The following TRAF6 variants were observed in gnomAD, a reference collection of about 807,000 sequenced individuals.
TRAF6 encodes the protein TNF receptor associated factor 6, also known as TNF receptor-associated factor 6.
A neutral mutation model predicts 48.4 loss-of-function variants in TRAF6; 10 were observed. The ratio of observed to expected loss-of-function variants is 0.21; its 90% CI spans 0.13 to 0.35. The LOEUF (loss-of-function observed/expected upper bound fraction) is 0.35. Among genes scored for constraint, TRAF6 ranks in the 10% least tolerant of loss-of-function variants. TRAF6 has a pLI of 1.00. For missense variants in TRAF6, 397 were observed against 661.0 expected (o/e 0.60, Z 4.38); for synonymous variants, 186 against 219.6 (o/e 0.85, Z 1.35).
chr11:36,503,357 C>T (rs1254311211), intron 1 of TRAF6, among the ~76,000 whole-genome samples: 2 of 150,632 alleles, frequency 1.3e-5, no homozygotes, highest in Non-Finnish European at 3.0e-5. Flanking sequence ...TGCAATGGCA[C>T]GATCTCGACT....
At chr11:36,496,042 C>T (rs1437496782) in intron 4 of TRAF6, among the ~76,000 whole-genome samples, 1 of 151,888 alleles carries the variant, frequency 6.6e-6, no homozygotes, top group East Asian at 1.9e-4. Flanking sequence ...GAAAAACTGC[C>T]AACGTGAATT....
intron 1 of TRAF6, among the ~76,000 whole-genome samples, chr11:36,508,041 G>C (rs1859831429): frequency 1.3e-5 from 2 of 151,416 alleles, no homozygotes; most frequent in South Asian, 2.1e-4. Context: ...TTTTTTTGTA[G>C]AGACAGGATT....
chr11:36,490,411 T>G lies in TRAF6; in HGVS notation c.996A>C (p.Arg332=), dbSNP rs2133664430. 1 of 1,614,152 alleles carries G rather than the reference T, an allele frequency of 6.2e-7. No homozygotes were observed. The change falls in exon 7 of 7, where the codon CGA becomes CGC. Residue 332 remains arginine (R), a synonymous_variant. Transcript: ENST00000526995. This position sits in a 1 kb window ranked among gnomAD's most constrained non-coding sequence, Gnocchi z 6.4. The stretch of plus-strand genomic sequence containing the variant: ...CTTTGTCCTCAAGGGTTCGAATGGT[T>G]CGTTTGAGCTCACTTACATACATAC... The part of the protein sequence containing the change: ...TQSMYVSELK[R]TIRTLEDKVA...
intron 1 of TRAF6, 116 bp from the exon 2 acceptor site, chr11:36,501,653 TATTA>T (rs1041067559): frequency 2.7e-6 from 2 of 737,290 alleles, no homozygotes; most frequent in Middle Eastern, 4.1e-4. Context: ...ACATCAGCTG[TATTA>T]ATGTTATTTA....
At chr11:36,508,858 T>A (rs1187082241) in intron 1 of TRAF6, among the ~76,000 whole-genome samples, 1 of 152,214 alleles carries the variant, frequency 6.6e-6, no homozygotes, top group Non-Finnish European at 1.5e-5. Context: ...GGATTTGAAC[T>A]TCTCTCCAAA....
intron 1 of TRAF6, among the ~76,000 whole-genome samples, chr11:36,508,679 A>G (rs1000170608): frequency 2.6e-5 from 4 of 152,228 alleles, no homozygotes; most frequent in Non-Finnish European, 5.9e-5. Flanking sequence ...AGCTTTAGAA[A>G]CAGAAACTGT....
intron 6 of TRAF6, 89 bp downstream of exon 6, chr11:36,492,462 C>T (rs1859576331): frequency 9.3e-7 from 1 of 1,075,526 alleles, no homozygotes; most frequent in African/African-American, 1.6e-5. Context: ...TTTACAACTA[C>T]ATCTACATTC....
chr11:36,502,894 T>C (rs1389649985), intron 1 of TRAF6, among the ~76,000 whole-genome samples: 1 of 152,256 alleles, frequency 6.6e-6, no homozygotes, highest in Non-Finnish European at 1.5e-5. Context: ...AATGTGTTAA[T>C]ATGTGCAAAG....
Position 36,486,108 on chromosome 11 carries a change from T to C in TRAF6, c.*3730A>G, listed in dbSNP as rs1358068252. 6.6e-6 allele frequency among the ~76,000 whole-genome samples: 1 copy of C among 152,094 alleles called. No individual in the cohort carries two copies. Among genetic ancestry groups the C allele is most frequent in the Non-Finnish European group, 1.5e-5 (1 of 68,036 alleles). On this transcript the variant is annotated 3_prime_UTR_variant, in exon 7 of 7. Coordinates refer to ENST00000526995, the MANE Select transcript of TRAF6 (RefSeq NM_004620.4). ...GGCTGGGGGTGCAGTGGCATGATCTTGGCTCACTGCAACCTGTGCTTCCCG... is the reference window on the plus strand; with the variant it reads ...GGCTGGGGGTGCAGTGGCATGATCTCGGCTCACTGCAACCTGTGCTTCCCG...
chr11:36,499,337 C>G (rs1206080473), intron 2 of TRAF6, among the ~76,000 whole-genome samples: 4 of 151,682 alleles, frequency 2.6e-5, no homozygotes, highest in Admixed American at 2.6e-4. Context: ...TGAACATACT[C>G]AATGAGAAAT....
chr11:36,484,165 C>G lies in TRAF6; in HGVS notation c.*5673G>C, dbSNP rs116110068. Among the ~76,000 whole-genome samples, 151 of 152,298 alleles carry G rather than the reference C, an allele frequency of 9.9e-4. 1 individual carries two copies. Among genetic ancestry groups the G allele is most frequent in the Middle Eastern group, 3.4e-3 (1 of 294 alleles). The stretch of plus-strand genomic sequence containing the variant: ...CATTAGGAGCAGGGCTTGTTTTATG[C>G]GCTCCGTGCATGCTGATGGTGCAGG... On this transcript the variant is annotated 3_prime_UTR_variant, in exon 7 of 7. Transcript: ENST00000526995.
intron 4 of TRAF6, chr11:36,496,217 A>T (rs1859630629): frequency 6.6e-6 from 1 of 152,192 alleles, no homozygotes; most frequent in Non-Finnish European, 1.5e-5. Context: ...AATCTATCTC[A>T]GTTTCTGAAT....
intron 1 of TRAF6, among the ~76,000 whole-genome samples, chr11:36,505,600 A>C (rs1466790016): frequency 6.6e-6 from 1 of 152,202 alleles, no homozygotes; most frequent in East Asian, 1.9e-4. Flanking sequence ...TCACTTTCTT[A>C]TTAGTGAGTT....
intron 4 of TRAF6, among the ~76,000 whole-genome samples, chr11:36,495,889 T>C (rs1859624848): frequency 1.3e-5 from 2 of 152,094 alleles, no homozygotes; most frequent in South Asian, 4.1e-4. Context: ...TGAAACTCCA[T>C]CTCCAAAAAA....
intron 5 of TRAF6, 78 bp downstream of exon 5, chr11:36,494,898 T>A: frequency 9.3e-7 from 1 of 1,074,676 alleles, no homozygotes; most frequent in Non-Finnish European, 1.4e-6. Flanking sequence ...CCTTATTGAT[T>A]TAAATTTTCA....
In TRAF6 at chr11:36,502,016, A is replaced by G. The variant is rs193061865; in HGVS notation, c.-22-479T>C. 1.6e-4 allele frequency among the ~76,000 whole-genome samples: 25 copies of G among 152,350 alleles called. No individual in the cohort carries two copies. In the East Asian group the frequency reaches 3.7e-3, roughly 22 times the overall value. On this transcript the variant is annotated intron_variant, in intron 1 of 6. Coordinates refer to ENST00000526995, the MANE Select transcript of TRAF6 (RefSeq NM_004620.4). ...CTAAAGAACTTATCCATGTTGTTGA[A>G]GTTCCTTGAAGTATCCTGAGCTGAA... is the stretch of plus-strand genomic sequence containing the variant.
At chr11:36,506,425 T>A (rs1489177868) in intron 1 of TRAF6, among the ~76,000 whole-genome samples, 1 of 152,238 alleles carries the variant, frequency 6.6e-6, no homozygotes, top group Non-Finnish European at 1.5e-5. Context: ...GAACCATTTT[T>A]TTTTTAAGTA....
At chr11:36,509,581 G>A (rs898294301) in intron 1 of TRAF6, among the ~76,000 whole-genome samples, 8 of 152,212 alleles carry the variant, frequency 5.3e-5, no homozygotes, top group Admixed American at 4.6e-4. Flanking sequence ...GCGGACAACT[G>A]CAGGAGGCAA....
intron 2 of TRAF6, among the ~76,000 whole-genome samples, chr11:36,499,546 C>G (rs780576770): frequency 1.5e-4 from 23 of 152,134 alleles, no homozygotes; most frequent in Non-Finnish European, 2.9e-4. Flanking sequence ...TGGCAGTGAG[C>G]CGAGATCGCG....
Sources: allele counts gnomAD v4.1 joint callset (sites outside exome capture counted in the v4.1 genomes callset), GRCh38; gene constraint gnomAD v4.1.1; non-coding constraint Gnocchi (gnomAD v3.1); transcripts MANE v1.5; gene names NCBI Gene and HGNC (gene_info 2026-07-23, HGNC 2026-07-21).